The following KCTD10 variants were observed in gnomAD, a reference collection of about 807,000 sequenced individuals.
The protein encoded by KCTD10 is BTB/POZ domain-containing adapter for CUL3-mediated RhoA degradation protein 3.
KCTD10 carries 13 observed loss-of-function variants against 34.6 expected under a neutral mutation model. The observed-to-expected ratio is 0.38, with a 90% CI of 0.24 to 0.60. KCTD10 has a LOEUF of 0.60. KCTD10 is among the 20% of genes least tolerant of loss of function. The pLI is 0.66. For synonymous variants in KCTD10, 156 were observed against 168.8 expected, an observed-to-expected ratio of 0.92 and a Z score of 0.59; for missense variants, 256 against 420.3, an observed-to-expected ratio of 0.61 and a Z score of 3.42.
chr12:109,463,143 C>T (rs1015305846), intron 2 of KCTD10, among the ~76,000 whole-genome samples: 1 of 152,148 alleles, frequency 6.6e-6, no homozygotes. Flanking sequence ...TAGAATTCAA[C>T]TCAGCTGCGC....
chr12:109,463,243 G>A (rs1357211565), intron 2 of KCTD10, among the ~76,000 whole-genome samples: 1 of 152,152 alleles, frequency 6.6e-6, no homozygotes, highest in Non-Finnish European at 1.5e-5. Flanking sequence ...TTATCCAAAT[G>A]ACAGCCCAGA....
intron 6 of KCTD10, 144 bp downstream of exon 6, chr12:109,455,974 G>A (rs556743319): frequency 1.2e-6 from 1 of 823,850 alleles, no homozygotes; most frequent in Admixed American, 2.8e-5. Flanking sequence ...GGGCCTAAAA[G>A]ATAAATATTT....
intron 6 of KCTD10, among the ~76,000 whole-genome samples, chr12:109,453,465 T>C (rs1872875376): frequency 6.6e-6 from 1 of 152,192 alleles, no homozygotes; most frequent in Non-Finnish European, 1.5e-5. Context: ...AAGTGCGGGA[T>C]TACAGGTGTG....
At chr12:109,477,105 C>T (rs1311362890) in intron 1 of KCTD10, among the ~76,000 whole-genome samples, 155 bp downstream of exon 1, 1 of 151,822 alleles carries the variant, frequency 6.6e-6, no homozygotes, top group African/African-American at 2.4e-5. Flanking sequence ...TTCCCCCACC[C>T]CGGGCCTTTC....
chr12:109,465,231 A>G (rs956827324), intron 2 of KCTD10, among the ~76,000 whole-genome samples: 8 of 152,202 alleles, frequency 5.3e-5, no homozygotes, highest in African/African-American at 1.7e-4. Flanking sequence ...TGGACACTCT[A>G]CCACCGGAAA....
chr12:109,459,206 A>C (rs1873186534), intron 3 of KCTD10: 2 of 152,242 alleles, frequency 1.3e-5, no homozygotes, highest in Admixed American at 1.3e-4. Flanking sequence ...ACGAAGCAGA[A>C]ATGAAAATTT....
intron 5 of KCTD10, chr12:109,457,316 T>C (rs138503611): frequency 5.4e-4 from 138 of 254,120 alleles, no homozygotes; most frequent in African/African-American, 2.7e-3. Flanking sequence ...TGCTAACGAA[T>C]AGAGGGTTTC....
At chr12:109,475,333 C>T (rs747810858) in intron 1 of KCTD10, among the ~76,000 whole-genome samples, 8 of 151,998 alleles carry the variant, frequency 5.3e-5, no homozygotes, top group Admixed American at 2.6e-4. Context: ...AAAAATTAAC[C>T]GGTCATGGTG....
chr12:109,468,308 C>T (rs189644815), intron 2 of KCTD10, among the ~76,000 whole-genome samples: 86 of 152,264 alleles, frequency 5.6e-4, no homozygotes, highest in Non-Finnish European at 1.2e-4. Context: ...CTCTTAGGAT[C>T]AGAGAATTAA....
rs1393474082 is a variant in KCTD10, at chr12:109,451,844, G to A, written c.724-31C>T. The A allele has an allele frequency of 1.9e-6, 3 of 1,566,760 alleles. No homozygotes were observed. Among genetic ancestry groups the A allele is most frequent in the Non-Finnish European group, 2.6e-6 (3 of 1,148,854 alleles). ...TTCCCACAGTATACAGGGCAGGTAA[G>A]TTATGGCCCACCCCCTCTGCCAACA... On this transcript the variant is annotated intron_variant, in intron 6 of 6. Transcript: ENST00000228495. The surrounding 1 kb of genome is among the most constrained non-coding windows in gnomAD (Gnocchi z 5.0).
At chr12:109,463,322 G>T (rs1395390132) in intron 2 of KCTD10, among the ~76,000 whole-genome samples, 1 of 152,196 alleles carries the variant, frequency 6.6e-6, no homozygotes, top group African/African-American at 2.4e-5. Flanking sequence ...GGAAATGCTT[G>T]TGGCGAAAGA....
chr12:109,476,658 C>T (rs1306695826), intron 1 of KCTD10, among the ~76,000 whole-genome samples: 1 of 152,094 alleles, frequency 6.6e-6, no homozygotes, highest in East Asian at 1.9e-4. Context: ...CCCCAGGATT[C>T]CAAGCACTGA....
At chr12:109,469,933 T>G in intron 1 of KCTD10, 2 of 1,267,514 alleles carry the variant, frequency 1.6e-6, no homozygotes, top group Non-Finnish European at 2.1e-6. Flanking sequence ...CCAACTGGGC[T>G]AGCAGGGGAA....
intron 1 of KCTD10, chr12:109,470,183 C>A: frequency 1.0e-6 from 1 of 992,546 alleles, no homozygotes; most frequent in Non-Finnish European, 1.2e-6. Context: ...TTTACATTTC[C>A]TTATTGCCAT....
intron 2 of KCTD10, chr12:109,465,035 C>T (rs1353446340): frequency 3.2e-6 from 1 of 310,606 alleles, no homozygotes; most frequent in Non-Finnish European, 6.4e-6. Context: ...CCTCATTTGC[C>T]AAAGTGAAAA....
chr12:109,460,992 A>G lies in KCTD10; in HGVS notation c.218-187T>C, dbSNP rs2302704. ...GAAGCCCCCACAGCCTCCAGGCCCT[A>G]CTGGCTGGACACAACCATAACCCCA... On this transcript the variant is annotated intron_variant, in intron 2 of 6. Transcript: ENST00000228495. The surrounding 1 kb of genome is among the most constrained non-coding windows in gnomAD (Gnocchi z 4.5). Among the ~76,000 whole-genome samples, 25,976 of 152,176 alleles carry G rather than the reference A, an allele frequency of 0.17. 2,280 individuals are homozygous for G. Among genetic ancestry groups the G allele is most frequent in the African/African-American group, 0.19 (7,840 of 41,502 alleles).
At chr12:109,452,732 T>G (rs1872835261) in intron 6 of KCTD10, among the ~76,000 whole-genome samples, 1 of 152,152 alleles carries the variant, frequency 6.6e-6, no homozygotes, top group Non-Finnish European at 1.5e-5. Context: ...TGATGCAGCC[T>G]GAAACCCTGA....
chr12:109,473,802 A>G (rs1031682375), intron 1 of KCTD10, among the ~76,000 whole-genome samples: 2 of 140,860 alleles, frequency 1.4e-5, no homozygotes, highest in African/African-American at 5.3e-5. Flanking sequence ...TTTTTTTGAG[A>G]CTGAGTTTTG....
intron 1 of KCTD10, among the ~76,000 whole-genome samples, chr12:109,475,340 G>A (rs1051022236): frequency 1.3e-5 from 2 of 152,100 alleles, no homozygotes; most frequent in African/African-American, 4.8e-5. Context: ...AACCGGTCAT[G>A]GTGGCACACA....
Sources: gnomAD v4.1 joint callset for allele counts (sites outside exome capture counted in the v4.1 genomes callset) on GRCh38, gnomAD v4.1.1 for gene constraint, Gnocchi (gnomAD v3.1) non-coding constraint, MANE v1.5 for transcripts, NCBI Gene and HGNC (gene_info 2026-07-23, HGNC 2026-07-21) for gene names.